PLD5: variants seen among roughly 807,000 people sequenced by gnomAD.
PLD5 encodes the protein inactive phospholipase D5.
A neutral mutation model predicts 61.1 loss-of-function variants in PLD5; 36 were observed. The observed-to-expected ratio is 0.59, with a 90% CI of 0.45 to 0.78. PLD5 has a LOEUF of 0.78. Among genes scored for constraint, PLD5 ranks in the 30% least tolerant of loss-of-function variants. PLD5 has a pLI of 0.00. For missense variants in PLD5, 515 were observed against 644.4 expected, an observed-to-expected ratio of 0.80 and a Z score of 2.17; for synonymous variants, 243 against 242.8, an observed-to-expected ratio of 1.00 and a Z score of -0.01.
At chr1:242,226,218 ATG>A (rs1011653618) in intron 4 of PLD5, among the ~76,000 whole-genome samples, 2 of 152,130 alleles carry the variant, frequency 1.3e-5, no homozygotes, top group Admixed American at 6.5e-5. Context: ...GAAAAAAAAT[ATG>A]TGTCAGTTTC....
chr1:242,407,372 T>C (rs565044768), intron 1 of PLD5, among the ~76,000 whole-genome samples: 2 of 152,278 alleles, frequency 1.3e-5, no homozygotes, highest in East Asian at 3.9e-4. Flanking sequence ...CATATATCAA[T>C]ACATCCTTCT....
At chr1:242,366,383 C>T (rs1661341400) in intron 1 of PLD5, among the ~76,000 whole-genome samples, 1 of 152,112 alleles carries the variant, frequency 6.6e-6, no homozygotes, top group Non-Finnish European at 1.5e-5. Flanking sequence ...ACACAGTTTT[C>T]TTATTTTCCC....
intron 1 of PLD5, among the ~76,000 whole-genome samples, chr1:242,517,841 AC>A (rs1669152415): frequency 6.6e-6 from 1 of 152,214 alleles, no homozygotes; most frequent in Non-Finnish European, 1.5e-5. Flanking sequence ...AGTATCTTTC[AC>A]ATGAAAGACA....
chr1:242,218,993 A>G (rs12124769), intron 5 of PLD5, among the ~76,000 whole-genome samples: 46,212 of 152,094 alleles, frequency 0.3, 7,310 homozygotes, highest in East Asian at 0.53. Context: ...ACTTACCATA[A>G]ATGTAAGGTA....
chr1:242,378,535 C>T (rs1001151130), intron 1 of PLD5, among the ~76,000 whole-genome samples: 1 of 152,028 alleles, frequency 6.6e-6, no homozygotes, highest in Non-Finnish European at 1.5e-5. Flanking sequence ...TATTTTACCA[C>T]AATAAAAAAC....
At chr1:242,200,137 G>T (rs748149923) in intron 5 of PLD5, among the ~76,000 whole-genome samples, 2 of 152,156 alleles carry the variant, frequency 1.3e-5, no homozygotes, top group African/African-American at 2.4e-5. Flanking sequence ...TTCCTAAAGG[G>T]AAAGCCATAG....
intron 2 of PLD5, among the ~76,000 whole-genome samples, chr1:242,335,670 TATA>T (rs1215087649): frequency 6.6e-6 from 1 of 152,218 alleles, no homozygotes; most frequent in African/African-American, 2.4e-5. Context: ...GTACTTCATT[TATA>T]ATAAGGGACA....
intron 1 of PLD5, among the ~76,000 whole-genome samples, chr1:242,369,968 T>G (rs902102479): frequency 1.3e-5 from 2 of 152,168 alleles, no homozygotes; most frequent in African/African-American, 4.8e-5. Flanking sequence ...CCAGAGATCA[T>G]CTACTTCAAC....
At chr1:242,297,621 C>CTTTTTTTTT (rs56851216) in intron 2 of PLD5, among the ~76,000 whole-genome samples, 2 of 107,224 alleles carry the variant, frequency 1.9e-5, no homozygotes, top group African/African-American at 6.7e-5. Context: ...ATTCATGTTT[C>CTTTTTTTTT]TTTTTTTTTT....
In PLD5 at chr1:242,089,836, G is replaced by A. The variant is rs2148640865; in HGVS notation, c.*18C>T. ...TAAATATGAAATACAGAGCTGTCCTGTCAGTTTCTTCATCATGTTATACGT... is the reference window on the plus strand; with the variant it reads ...TAAATATGAAATACAGAGCTGTCCTATCAGTTTCTTCATCATGTTATACGT... On this transcript the variant is annotated 3_prime_UTR_variant, in exon 10 of 10. Transcript: ENST00000536534. 2.5e-6 allele frequency: 4 copies of A among 1,613,846 alleles called. No individual in the cohort carries two copies. Among genetic ancestry groups the A allele is most frequent in the Non-Finnish European group, 3.4e-6 (4 of 1,179,788 alleles).
intron 1 of PLD5, among the ~76,000 whole-genome samples, chr1:242,367,049 C>T (rs1661385099): frequency 6.6e-6 from 1 of 151,888 alleles, no homozygotes; most frequent in African/African-American, 2.4e-5. Context: ...TTTAAAATAG[C>T]AAGACCGAGA....
At chr1:242,113,614 A>AACCT (rs962488247) in intron 7 of PLD5, among the ~76,000 whole-genome samples, 1 of 152,206 alleles carries the variant, frequency 6.6e-6, no homozygotes, top group African/African-American at 2.4e-5. Flanking sequence ...AGTTGAGAGC[A>AACCT]ACCTAATTTT....
intron 3 of PLD5, among the ~76,000 whole-genome samples, chr1:242,283,439 G>T (rs1019204338): frequency 1.7e-4 from 26 of 152,228 alleles, no homozygotes; most frequent in African/African-American, 6.3e-4. Flanking sequence ...TTTTGGTTAT[G>T]GGCTGCTCTT....
intron 1 of PLD5, among the ~76,000 whole-genome samples, chr1:242,358,141 T>C (rs1364308269): frequency 6.6e-6 from 1 of 152,170 alleles, no homozygotes; most frequent in Non-Finnish European, 1.5e-5. Context: ...TCATGTAATG[T>C]TTTACACATT....
chr1:242,348,448 T>C (rs908642480), intron 1 of PLD5, among the ~76,000 whole-genome samples: 6 of 152,168 alleles, frequency 3.9e-5, no homozygotes, highest in South Asian at 4.1e-4. Context: ...CTCTAAGTGA[T>C]AGACCCTGTT....
At chr1:242,406,210 G>A (rs943131296) in intron 1 of PLD5, among the ~76,000 whole-genome samples, 33 of 152,150 alleles carry the variant, frequency 2.2e-4, no homozygotes, top group African/African-American at 7.5e-4. Context: ...AATGCCAGGT[G>A]TCATGTCTCC....
At chr1:242,378,328 A>G (rs1662082806) in intron 1 of PLD5, among the ~76,000 whole-genome samples, 2 of 152,180 alleles carry the variant, frequency 1.3e-5, no homozygotes, top group African/African-American at 4.8e-5. Context: ...AGAAAAAAGT[A>G]GAACAGTGAT....
intron 1 of PLD5, among the ~76,000 whole-genome samples, chr1:242,515,436 C>T (rs1171509069): frequency 6.6e-6 from 1 of 152,232 alleles, no homozygotes; most frequent in African/African-American, 2.4e-5. Context: ...TGGTCTCAAA[C>T]TGCTGACCTC....
At position 242,183,549 on chromosome 1, in the gene PLD5, G is replaced by A. The variant is rs550805390; in HGVS notation, c.735+36439C>T. 1.2e-3 allele frequency among the ~76,000 whole-genome samples: 181 copies of A among 152,242 alleles called. 1 individual carries two copies. Among genetic ancestry groups the A allele is most frequent in the African/African-American group, 4.2e-3 (174 of 41,522 alleles). On this transcript the variant is annotated intron_variant, in intron 5 of 9. Coordinates refer to ENST00000536534, the MANE Select transcript of PLD5 (RefSeq NM_001372062.1). ...AGGCAGAGGTTCTCAAATTTTCTTG[G>A]ATCACAGTACCCTTCGTGTCTCAAT...
Sources: allele counts gnomAD v4.1 joint callset (sites outside exome capture counted in the v4.1 genomes callset), GRCh38; gene constraint gnomAD v4.1.1; transcripts MANE v1.5; gene names NCBI Gene and HGNC (gene_info 2026-07-23, HGNC 2026-07-21).